MAPKBP1: variants seen among roughly 807,000 people sequenced by gnomAD.
The protein encoded by MAPKBP1 is mitogen-activated protein kinase-binding protein 1.
MAPKBP1 carries 71 observed loss-of-function variants against 170.5 expected under a neutral mutation model. The observed-to-expected ratio is 0.42, with a 90% CI of 0.34 to 0.51. The LOEUF (loss-of-function observed/expected upper bound fraction) is 0.51. Among genes scored for constraint, MAPKBP1 ranks in the 20% least tolerant of loss-of-function variants. The pLI is 0.06. For missense variants in MAPKBP1, 1,598 were observed against 1,933.0 expected (o/e 0.83, Z 3.25); for synonymous variants, 719 against 757.9 (o/e 0.95, Z 0.84).
intron 2 of MAPKBP1, among the ~76,000 whole-genome samples, chr15:41,778,082 A>G (rs574959769): frequency 6.6e-6 from 1 of 152,320 alleles, no homozygotes; most frequent in Admixed American, 6.5e-5. Context: ...TATTTTATGT[A>G]TGTCTTCATT....
chr15:41,806,818 C>T (rs1298925555), intron 3 of MAPKBP1, among the ~76,000 whole-genome samples: 1 of 152,132 alleles, frequency 6.6e-6, no homozygotes, highest in Non-Finnish European at 1.5e-5. Context: ...GCCCCGCACT[C>T]CTCTCCCCAG....
intron 2 of MAPKBP1, among the ~76,000 whole-genome samples, chr15:41,794,125 G>A (rs906029513): frequency 1.3e-5 from 2 of 152,170 alleles, no homozygotes; most frequent in East Asian, 1.9e-4. Context: ...CTAGCTACTC[G>A]GGAGGCTGAG....
intron 2 of MAPKBP1, 58 bp downstream of exon 2, chr15:41,775,447 T>C (rs2064081850): frequency 2.6e-5 from 32 of 1,239,994 alleles, no homozygotes; most frequent in Non-Finnish European, 3.8e-5. Context: ...TCCATGTTCC[T>C]CGTTAACCTT....
intron 24 of MAPKBP1, 76 bp from the exon 25 acceptor site, chr15:41,821,889 C>T: frequency 4.5e-6 from 7 of 1,572,310 alleles, no homozygotes; most frequent in Admixed American, 1.7e-5. Flanking sequence ...TCACCCTGAT[C>T]ACAGGCAGGA....
chr15:41,779,119 TTGG>T (rs2064141841), intron 2 of MAPKBP1, among the ~76,000 whole-genome samples: 3 of 152,202 alleles, frequency 2.0e-5, no homozygotes, highest in Non-Finnish European at 4.4e-5. Flanking sequence ...AAGAGTTTGG[TTGG>T]GTGGGTTTCA....
intron 30 of MAPKBP1, 67 bp downstream of exon 30, chr15:41,824,636 A>G (rs1236432957): frequency 7.0e-7 from 1 of 1,431,772 alleles, no homozygotes; most frequent in Non-Finnish European, 9.5e-7. Context: ...TCGGATAACC[A>G]TGTCCAGAAC....
rs372055130 is a variant in MAPKBP1 at position 41,774,585 on chromosome 15, G to C, written c.-135G>C. The stretch of plus-strand genomic sequence containing the variant: ...CGCGATGCCCGAGGGCGCTGTGAGC[G>C]GGGTGGCCTTAGCTCGCCGAGGCTG... On this transcript the variant is annotated 5_prime_UTR_variant, in exon 1 of 31. Coordinates refer to ENST00000457542, the MANE Select transcript of MAPKBP1 (RefSeq NM_014994.3). 5 of 398,714 alleles carry C rather than the reference G, an allele frequency of 1.3e-5. No homozygotes were observed. The highest frequency in any genetic ancestry group is 6.3e-4 in the Middle Eastern group (1 of 1,592). The allele number at this position is 398,714 out of a possible 1,614,324, so 24.7% of individuals were successfully genotyped here.
In MAPKBP1 at chr15:41,800,180, A is replaced by G. The variant is rs181363246; in HGVS notation, c.206+266A>G. Among the ~76,000 whole-genome samples the G allele has an allele frequency of 1.2e-4, 19 of 152,324 alleles. No homozygotes were observed. In the East Asian group the frequency reaches 3.3e-3, roughly 26 times the overall value. On this transcript the variant is annotated intron_variant, in intron 3 of 30. Transcript: ENST00000457542. ...TATGTTACACACAGTTCCCAGCACC[A>G]TCTTCAGTAACTACCTTCCAGTCAT...
At chr15:41,796,855 C>T (rs2064499803) in intron 2 of MAPKBP1, among the ~76,000 whole-genome samples, 1 of 152,138 alleles carries the variant, frequency 6.6e-6, no homozygotes, top group Non-Finnish European at 1.5e-5. Flanking sequence ...CTAGAGCTTC[C>T]AGCCCATTTG....
rs2065071112 is a variant in MAPKBP1, at chr15:41,825,276, C to T, written c.4367C>T (p.Ser1456Phe). 1.9e-6 allele frequency: 3 copies of T among 1,611,788 alleles called. No individual in the cohort carries two copies. Among genetic ancestry groups the T allele is most frequent in the African/African-American group, 1.3e-5 (1 of 75,046 alleles). ...GCCCAGCTCCTCAGAGACACCTTCT[C>T]TTCAGTGCGACAGGAGCTGGAAGCT... is the stretch of plus-strand genomic sequence containing the variant. ...RIAQLLRDTF[S>F]SVRQELEAVA... The change falls in exon 31 of 31, where the codon TCT (serine) becomes TTT (phenylalanine). Residue 1456 changes from serine to phenylalanine, a missense_variant. Physicochemically the swap from Ser to Phe is radical, Grantham distance 155. This residue lies in a region of MAPKBP1 where 942 missense variants were observed against 953.2 expected (regional missense o/e 0.99). Coordinates refer to ENST00000457542, the MANE Select transcript of MAPKBP1 (RefSeq NM_014994.3).
chr15:41,819,823 G>C (rs1311199838), intron 22 of MAPKBP1, among the ~76,000 whole-genome samples, 173 bp downstream of exon 22: 1 of 152,182 alleles, frequency 6.6e-6, no homozygotes, highest in Non-Finnish European at 1.5e-5. Context: ...GGCTGGTCCT[G>C]GGTGCGGGGG....
In MAPKBP1 at chr15:41,822,105, C is replaced by CTGAA; in HGVS notation, c.3027_3030dup (p.Asp1011Ter). 1 of 1,574,314 alleles carries CTGAA rather than the reference C, an allele frequency of 6.4e-7. No homozygotes were observed. Among genetic ancestry groups the CTGAA allele is most frequent in the Non-Finnish European group, 8.6e-7 (1 of 1,157,434 alleles). On this transcript the variant is annotated frameshift_variant, in exon 25 of 31. Transcript: ENST00000457542. LOFTEE classifies it high-confidence loss of function. ...TGCCTTTCCAGCCCGGAGCACCCCA[C>CTGAA]TGAAGGTGAGGCTGTAGCCTGGAGG...
In MAPKBP1 at chr15:41,817,906, C is replaced by A; in HGVS notation, c.1905-103C>A. The A allele has an allele frequency of 6.6e-7, 1 of 1,522,942 alleles. No individual in the cohort carries two copies. Among genetic ancestry groups the A allele is most frequent in the South Asian group, 1.2e-5 (1 of 86,512 alleles). The allele number at this position is 1,522,942 out of a possible 1,614,324, so 94.3% of individuals were successfully genotyped here. On this transcript the variant is annotated intron_variant, in intron 16 of 30. Transcript: ENST00000457542. This position sits in a 1 kb window ranked among gnomAD's most constrained non-coding sequence, Gnocchi z 4.2. ...GTAGCCTGTTTGCTGCTGGGGGTAG[C>A]TCCCAGAGAGTGTAGACTGGGAGTG... is the stretch of plus-strand genomic sequence containing the variant.
rs1042016150 is a variant in MAPKBP1, at chr15:41,827,816, C to G, written c.*2380C>G. ...GCTGTTTTTAACGTGCCCGTTTGTA[C>G]TGATGTATGAACTTGTCAATAAACA... On this transcript the variant is annotated 3_prime_UTR_variant, in exon 31 of 31. Coordinates refer to ENST00000457542, the MANE Select transcript of MAPKBP1 (RefSeq NM_014994.3). 9.0e-6 allele frequency: 3 copies of G among 333,792 alleles called. No individual in the cohort carries two copies. The highest frequency in any genetic ancestry group is 9.9e-5 in the East Asian group (2 of 20,124). 20.7% of individuals were successfully genotyped at this position (333,792 alleles called of 1,614,324 possible).
At position 41,808,116 on chromosome 15, in the gene MAPKBP1, T is replaced by C. The variant is rs1350228302; in HGVS notation, c.207-2767T>C. ...TTCTTTCTTTCTTTCTTTTTTTTTT[T>C]TTTTTTTGTAGACCTAGTCTCGCTC... On this transcript the variant is annotated intron_variant, in intron 3 of 30. Transcript: ENST00000457542. Among the ~76,000 whole-genome samples, 33 of 146,926 alleles carry C rather than the reference T, an allele frequency of 2.2e-4. No individual in the cohort carries two copies. In the South Asian group the frequency reaches 7.1e-3, roughly 32 times the overall value.
At position 41,822,236 on chromosome 15, in the gene MAPKBP1, A is replaced by G; in HGVS notation, c.3043A>G (p.Thr1015Ala). The stretch of plus-strand genomic sequence containing the variant: ...CTCCCCACACCCAGACTCTGAGAGC[A>G]CGGAGCCCCTCAGTGTGGATGGCAT... ...PEHPTEDSES[T>A]EPLSVDGISS... Residue 1015 changes from threonine to alanine, a missense_variant, in exon 26 of 31, where the codon ACG (threonine) becomes GCG (alanine). Around this residue, in one of 6 missense-constraint regions of MAPKBP1, gnomAD observed 942 missense variants for 953.2 expected, o/e 0.99. Coordinates refer to ENST00000457542, the MANE Select transcript of MAPKBP1 (RefSeq NM_014994.3). The G allele has an allele frequency of 2.5e-6, 4 of 1,612,940 alleles. No individual in the cohort carries two copies. The highest frequency in any genetic ancestry group is 3.4e-6 in the Non-Finnish European group (4 of 1,179,254).
At chr15:41,800,965 G>A (rs2064581748) in intron 3 of MAPKBP1, among the ~76,000 whole-genome samples, 1 of 151,780 alleles carries the variant, frequency 6.6e-6, no homozygotes. Context: ...GAACTCCTGG[G>A]CTCAAGCAGT....
Position 41,823,537 on chromosome 15 carries a change from C to G in MAPKBP1, c.3689C>G (p.Pro1230Arg), listed in dbSNP as rs1255511600. ...CAGGATGGTCTGGGCTCCCTGCCCCCAGCTGATGGCCGTCCGTCTCGGCCT... is the reference window on the plus strand; with the variant it reads ...CAGGATGGTCTGGGCTCCCTGCCCCGAGCTGATGGCCGTCCGTCTCGGCCT... Reference protein sequence around the residue: ...EAQDGLGSLPPADGRPSRPHS... With the variant: ...EAQDGLGSLPRADGRPSRPHS... The change falls in exon 29 of 31, where the codon CCA becomes CGA. Residue 1230 changes from proline (P) to arginine (R), a missense_variant. Around this residue, in one of 6 missense-constraint regions of MAPKBP1, gnomAD observed 942 missense variants for 953.2 expected, o/e 0.99. Coordinates refer to ENST00000457542, the MANE Select transcript of MAPKBP1 (RefSeq NM_014994.3). 6.2e-7 allele frequency: 1 copy of G among 1,614,190 alleles called. No homozygotes were observed. Among genetic ancestry groups the G allele is most frequent in the South Asian group, 1.1e-5 (1 of 91,084 alleles).
chr15:41,817,075 C>T lies in MAPKBP1; in HGVS notation c.1711+40C>T. 6.5e-7 allele frequency: 1 copy of T among 1,542,352 alleles called. No individual in the cohort carries two copies. Among genetic ancestry groups the T allele is most frequent in the Non-Finnish European group, 8.8e-7 (1 of 1,140,892 alleles). On this transcript the variant is annotated intron_variant, in intron 14 of 30. Coordinates refer to ENST00000457542, the MANE Select transcript of MAPKBP1 (RefSeq NM_014994.3). The surrounding 1 kb of genome is among the most constrained non-coding windows in gnomAD (Gnocchi z 4.2). Reference sequence around the variant, plus strand: ...AATGAGACACATCCTGCCACTCTCACCCCTGCTGCCATCTGCCTCCCACCT... The same window carrying T: ...AATGAGACACATCCTGCCACTCTCATCCCTGCTGCCATCTGCCTCCCACCT...
Sources: allele counts gnomAD v4.1 joint callset (sites outside exome capture counted in the v4.1 genomes callset), GRCh38; gene constraint gnomAD v4.1.1; regional missense constraint gnomAD v4.1.1; non-coding constraint Gnocchi (gnomAD v3.1); transcripts MANE v1.5; gene names NCBI Gene and HGNC (gene_info 2026-07-23, HGNC 2026-07-21).